The following C2orf80 variants were observed in gnomAD, a reference collection of about 807,000 sequenced individuals.
C2orf80 encodes chromosome 2 open reading frame 80.
A neutral mutation model predicts 30.2 loss-of-function variants in C2orf80; 28 were observed. That is an observed-to-expected ratio of 0.93 (90% confidence interval 0.69 to 1.27). C2orf80 has a LOEUF of 1.27. Ranked by LOEUF, C2orf80 falls within the 50% of genes most tolerant of loss-of-function variation. The pLI is 0.00. For missense variants in C2orf80, 220 were observed against 231.0 expected (o/e 0.95, Z 0.31); for synonymous variants, 80 against 76.4 (o/e 1.05, Z -0.24).
At chr2:208,182,911 C>G (rs1696603072) in intron 4 of C2orf80, 54 bp downstream of exon 4, 1 of 1,382,078 alleles carries the variant, frequency 7.2e-7, no homozygotes, top group Non-Finnish European at 1.0e-6. Context: ...CTTCCTCTAT[C>G]ATTAATCATA....
At chr2:208,177,279 C>T (rs1008283920) in intron 6 of C2orf80, among the ~76,000 whole-genome samples, 4 of 151,430 alleles carry the variant, frequency 2.6e-5, no homozygotes, top group Middle Eastern at 6.8e-3. Flanking sequence ...TGGTGGCTCA[C>T]GCCTGTAATC....
Position 208,171,990 on chromosome 2 carries a change from T to G in C2orf80, c.452A>C (p.Gln151Pro). The G allele has an allele frequency of 1.2e-6, 2 of 1,613,122 alleles. No homozygotes were observed. The highest frequency in any genetic ancestry group is 1.7e-6 in the Non-Finnish European group (2 of 1,179,086). ...APKAAAYARK[Q>P]SVKSRKVTTN... The stretch of plus-strand genomic sequence containing the variant: ...CAGGTGAAAGTAACCAGGCTTACTC[T>G]GTTTGCGGGCGTATGCTGCTGCTTT... The change falls in exon 7 of 9, where the codon CAG becomes CCG. Residue 151 changes from glutamine to proline, a missense_variant and splice_region_variant. Physicochemically the swap from Gln to Pro is moderately conservative, Grantham distance 76. Coordinates refer to ENST00000341287, the MANE Select transcript of C2orf80 (RefSeq NM_001099334.3).
intron 6 of C2orf80, among the ~76,000 whole-genome samples, chr2:208,178,740 C>A (rs1696450074): frequency 6.6e-6 from 1 of 151,872 alleles, no homozygotes; most frequent in Non-Finnish European, 1.5e-5. Context: ...ATAGGGAGAC[C>A]CCCATCCCTA....
chr2:208,176,967 A>G (rs372829586), intron 6 of C2orf80, among the ~76,000 whole-genome samples: 1,054 of 78,200 alleles, frequency 0.013, 55 homozygotes, highest in African/African-American at 0.023. Flanking sequence ...ATACATATGT[A>G]TACATATATA....
rs1025022905 is a variant in C2orf80, at chr2:208,183,022, A to G, written c.149T>C (p.Val50Ala). 1 of 1,613,972 alleles carries G rather than the reference A, an allele frequency of 6.2e-7. No homozygotes were observed. The highest frequency in any genetic ancestry group is 1.7e-5 in the Admixed American group (1 of 60,002). Residue 50 changes from valine to alanine, a missense_variant, in exon 4 of 9, where the codon GTT (valine) becomes GCT (alanine). By Grantham distance (64) the Val-to-Ala change is moderately conservative. Transcript: ENST00000341287. Reference protein sequence around the residue: ...DMAHYDLAISVALQWLDPSED... With the variant: ...DMAHYDLAISAALQWLDPSED... Reference sequence around the variant, plus strand: ...TGAGGGATCCAGCCATTGCAAAGCAACACTGATGGCCAAGTCATAGTGTGC... The same window carrying G: ...TGAGGGATCCAGCCATTGCAAAGCAGCACTGATGGCCAAGTCATAGTGTGC...
chr2:208,182,208 C>G (rs1448405629), intron 4 of C2orf80, among the ~76,000 whole-genome samples: 1 of 152,152 alleles, frequency 6.6e-6, no homozygotes, highest in Non-Finnish European at 1.5e-5. Flanking sequence ...TGAACACTCC[C>G]TATACATGAC....
intron 6 of C2orf80, among the ~76,000 whole-genome samples, 161 bp from the exon 7 acceptor site, chr2:208,172,236 C>T (rs1191059593): frequency 1.3e-5 from 2 of 152,154 alleles, no homozygotes. Context: ...TGATGGGGCA[C>T]GTGAAGTATA....
At chr2:208,189,897 C>A in intron 1 of C2orf80, 56 bp downstream of exon 1, 2 of 702,284 alleles carry the variant, frequency 2.8e-6, no homozygotes, top group South Asian at 3.0e-5. Flanking sequence ...ACAGGTCTCT[C>A]GGGCTGTTCT....
At chr2:208,168,169 A>T (rs1027607324) in intron 8 of C2orf80, among the ~76,000 whole-genome samples, 14 of 152,194 alleles carry the variant, frequency 9.2e-5, no homozygotes, top group Non-Finnish European at 1.6e-4. Context: ...CCAGTGAGAC[A>T]TACATATATG....
chr2:208,184,900 T>C (rs761714725), intron 3 of C2orf80, 51 bp downstream of exon 3: 148 of 1,444,104 alleles, frequency 1.0e-4, no homozygotes, highest in Non-Finnish European at 1.4e-4. Flanking sequence ...TTCTGTCTCT[T>C]TAATACACAT....
At position 208,182,952 on chromosome 2, in the gene C2orf80, T is replaced by C; in HGVS notation, c.206+13A>G. On this transcript the variant is annotated intron_variant, in intron 4 of 8. Coordinates refer to ENST00000341287, the MANE Select transcript of C2orf80 (RefSeq NM_001099334.3). ...AAATTAAAGAGGAAAGCAACAAACC[T>C]ACTTCAACTTACAGTTCCTCCCACT... 3.1e-6 allele frequency: 5 copies of C among 1,603,754 alleles called. No individual in the cohort carries two copies. Among genetic ancestry groups the C allele is most frequent in the Non-Finnish European group, 4.3e-6 (5 of 1,170,534 alleles).
rs10208685 is a variant in C2orf80 at position 208,180,933 on chromosome 2, T to G, written c.295-117A>C. On this transcript the variant is annotated intron_variant, in intron 5 of 8. Coordinates refer to ENST00000341287, the MANE Select transcript of C2orf80 (RefSeq NM_001099334.3). ...AAACTGTGCTTGGGTATCATAAGTATTAAATACAGTAAATAACTTCTGATC... is the reference window on the plus strand; with the variant it reads ...AAACTGTGCTTGGGTATCATAAGTAGTAAATACAGTAAATAACTTCTGATC... The G allele has an allele frequency of 3.7e-6, 3 of 813,562 alleles. No homozygotes were observed. In the East Asian group the frequency reaches 7.8e-5, roughly 21 times the overall value. The allele number at this position is 813,562 out of a possible 1,614,324, so 50.4% of individuals were successfully genotyped here.
intron 1 of C2orf80, among the ~76,000 whole-genome samples, chr2:208,188,122 GTGTGTA>G: frequency 7.1e-6 from 1 of 141,356 alleles, no homozygotes; most frequent in African/African-American, 2.7e-5. Context: ...GTGTGTGTGT[GTGTGTA>G]TCCACACACA....
chr2:208,165,567 A>G lies in C2orf80; in HGVS notation c.*240T>C, dbSNP rs1695857955. Reference sequence around the variant, plus strand: ...ATACTATATACTTTCTGAATTCTCCAGCAGTCTTCCAGTCACAATGAAGTA... The same window carrying G: ...ATACTATATACTTTCTGAATTCTCCGGCAGTCTTCCAGTCACAATGAAGTA... On this transcript the variant is annotated 3_prime_UTR_variant, in exon 9 of 9. Transcript: ENST00000341287. 2.2e-6 allele frequency: 1 copy of G among 460,310 alleles called. No homozygotes were observed. Among genetic ancestry groups the G allele is most frequent in the Non-Finnish European group, 3.8e-6 (1 of 260,502 alleles). 28.5% of individuals were successfully genotyped at this position (460,310 alleles called of 1,614,324 possible). A position where few individuals can be genotyped will look rare whatever the true frequency, so the allele number is the denominator to read the frequency against.
intron 2 of C2orf80, 101 bp from the exon 3 acceptor site, chr2:208,185,133 A>G (rs1696681341): frequency 2.7e-6 from 2 of 740,052 alleles, no homozygotes; most frequent in Non-Finnish European, 4.5e-6. Flanking sequence ...CCACCAAAAT[A>G]CAAGAGAATT....
At chr2:208,166,563 C>T (rs930168887) in intron 8 of C2orf80, among the ~76,000 whole-genome samples, 4 of 152,146 alleles carry the variant, frequency 2.6e-5, no homozygotes, top group Non-Finnish European at 4.4e-5. Context: ...AAATTGTCCT[C>T]TCTCTATGTC....
At chr2:208,166,935 C>G (rs1695915001) in intron 8 of C2orf80, among the ~76,000 whole-genome samples, 1 of 152,014 alleles carries the variant, frequency 6.6e-6, no homozygotes, top group African/African-American at 2.4e-5. Flanking sequence ...CAGGCGTGAG[C>G]CACCATGCCT....
Position 208,187,052 on chromosome 2 carries a change from A to G in C2orf80, c.-66T>C. The G allele has an allele frequency of 6.8e-7, 1 of 1,460,532 alleles. No individual in the cohort carries two copies. The highest frequency in any genetic ancestry group is 9.6e-7 in the Non-Finnish European group (1 of 1,041,704). 90.5% of individuals were successfully genotyped at this position (1,460,532 alleles called of 1,614,324 possible). A position where few individuals can be genotyped will look rare whatever the true frequency, so the allele number is the denominator to read the frequency against. The stretch of plus-strand genomic sequence containing the variant: ...ACTACACTTAGACCCAGCTTCTCTG[A>G]GTCTAGAGGCTACAGCAGCAAATCA... On this transcript the variant is annotated 5_prime_UTR_variant, in exon 2 of 9. Coordinates refer to ENST00000341287, the MANE Select transcript of C2orf80 (RefSeq NM_001099334.3).
chr2:208,186,536 G>A (rs1475765241), intron 2 of C2orf80, among the ~76,000 whole-genome samples: 2 of 152,172 alleles, frequency 1.3e-5, no homozygotes, highest in African/African-American at 2.4e-5. Context: ...TAGTTGATAA[G>A]GCTGACAATA....
Sources: gnomAD v4.1 joint callset for allele counts (sites outside exome capture counted in the v4.1 genomes callset) on GRCh38, gnomAD v4.1.1 for gene constraint, MANE v1.5 for transcripts, NCBI Gene and HGNC (gene_info 2026-07-23, HGNC 2026-07-21) for gene names.